ACOT7: variants seen among roughly 807,000 people sequenced by gnomAD.
ACOT7 encodes the protein acyl-CoA thioesterase 7.
In ACOT7, 12 loss-of-function variants were observed where a neutral mutation model predicts 40.2. The ratio of observed to expected loss-of-function variants is 0.30; its 90% CI spans 0.19 to 0.48. ACOT7 has a LOEUF of 0.48. Among genes scored for constraint, ACOT7 ranks in the 20% least tolerant of loss-of-function variants. ACOT7 has a pLI of 0.99. For missense variants in ACOT7, 395 were observed against 530.8 expected, an observed-to-expected ratio of 0.74 and a Z score of 2.51; for synonymous variants, 228 against 219.5, an observed-to-expected ratio of 1.04 and a Z score of -0.34.
rs867155204 is a variant in ACOT7 at position 6,299,160 on chromosome 1, C to G, written c.713-4180G>C. Among the ~76,000 whole-genome samples the G allele has an allele frequency of 3.3e-5, 5 of 152,222 alleles. No individual in the cohort carries two copies. The East Asian group carries it at 9.6e-4, about 29-fold the overall frequency. ...GGCAGGCAGGTTGCCCTCCCTGAGC[C>G]GTGGGCTCAGTGTCTGTCAGGCAGA... On this transcript the variant is annotated intron_variant, in intron 6 of 8. Coordinates refer to ENST00000361521, the MANE Select transcript of ACOT7 (RefSeq NM_007274.4). The surrounding 1 kb of genome is among the most constrained non-coding windows in gnomAD (Gnocchi z 4.1).
rs910715172 is a variant in ACOT7 at position 6,289,864 on chromosome 1, G to C, written c.829+5000C>G. ...TTTCTAATAAAATATGCTGAAATGG[G>C]CACATCAGAAAACCCCCTTCCACCT... On this transcript the variant is annotated intron_variant, in intron 7 of 8. Transcript: ENST00000361521. This position sits in a 1 kb window ranked among gnomAD's most constrained non-coding sequence, Gnocchi z 4.6. 1.3e-5 allele frequency among the ~76,000 whole-genome samples: 2 copies of C among 152,166 alleles called. No homozygotes were observed. The highest frequency in any genetic ancestry group is 4.8e-5 in the African/African-American group (2 of 41,426).
intron 4 of ACOT7, among the ~76,000 whole-genome samples, chr1:6,333,172 C>T (rs1167428515): frequency 3.3e-5 from 5 of 152,242 alleles, no homozygotes; most frequent in African/African-American, 7.2e-5. Flanking sequence ...TTTATGTCCA[C>T]GGGTTCTGGG....
chr1:6,285,040 G>A (rs957261282), intron 7 of ACOT7, among the ~76,000 whole-genome samples: 3 of 152,212 alleles, frequency 2.0e-5, no homozygotes, highest in Non-Finnish European at 2.9e-5. Context: ...TGGCACACTT[G>A]TTGGCTTGTC....
intron 1 of ACOT7, among the ~76,000 whole-genome samples, chr1:6,381,165 T>C (rs760285377): frequency 6.6e-6 from 1 of 151,902 alleles, no homozygotes; most frequent in African/African-American, 2.4e-5. Flanking sequence ...CCAAAAGCTA[T>C]AGTCTTCAGT....
At chr1:6,342,000 T>G (rs920058491) in intron 2 of ACOT7, among the ~76,000 whole-genome samples, 134 of 152,312 alleles carry the variant, frequency 8.8e-4, no homozygotes, top group Non-Finnish European at 1.6e-3. Flanking sequence ...TCATCTACCC[T>G]GGGGATCATC....
chr1:6,373,201 C>T (rs1459567508), intron 1 of ACOT7, among the ~76,000 whole-genome samples: 1 of 151,902 alleles, frequency 6.6e-6, no homozygotes, highest in African/African-American at 2.4e-5. Flanking sequence ...TACATGAGCA[C>T]AGGCTGGCCG....
At chr1:6,313,715 C>T (rs4908878) in intron 6 of ACOT7, among the ~76,000 whole-genome samples, 10,475 of 152,202 alleles carry the variant, frequency 0.069, 394 homozygotes, top group Non-Finnish European at 0.088. Flanking sequence ...GAGGGCACTC[C>T]CAGGCTGGCG....
Position 6,281,263 on chromosome 1 carries a change from G to C in ACOT7, c.853C>G (p.Arg285Gly). 6.2e-7 allele frequency: 1 copy of C among 1,613,478 alleles called. No homozygotes were observed. Among genetic ancestry groups the C allele is most frequent in the Non-Finnish European group, 8.5e-7 (1 of 1,179,952 alleles). ...GACTTATTGCTCGTGAAGGTCATGC[G>C]TCCCGAGATGGTGATGACGCAGCCT... ...RKGCVITISG[R>G]MTFTSNKSME... The change falls in exon 8 of 9, where the codon CGC (arginine) becomes GGC (glycine). Residue 285 changes from arginine (R) to glycine (G), a missense_variant. Physicochemically the swap from Arg to Gly is moderately radical, Grantham distance 125 (BLOSUM62 -2). Around this residue, in one of 2 missense-constraint regions of ACOT7, gnomAD observed 309 missense variants for 470.3 expected, o/e 0.66. Transcript: ENST00000361521.
In ACOT7 at chr1:6,278,163, A is replaced by G. The variant is rs1225525758; in HGVS notation, c.1014+2939T>C. Among the ~76,000 whole-genome samples the G allele has an allele frequency of 1.3e-5, 2 of 151,896 alleles. No homozygotes were observed. Among genetic ancestry groups the G allele is most frequent in the African/African-American group, 4.8e-5 (2 of 41,326 alleles). On this transcript the variant is annotated intron_variant, in intron 8 of 8. Coordinates refer to ENST00000361521, the MANE Select transcript of ACOT7 (RefSeq NM_007274.4). The surrounding 1 kb of genome is among the most constrained non-coding windows in gnomAD (Gnocchi z 4.1). ...TTGTGGGTGCCCTTCTAAGGAAAAAACGTCTGAGAAGTGCTGTAGCTCCAG... is the reference window on the plus strand; with the variant it reads ...TTGTGGGTGCCCTTCTAAGGAAAAAGCGTCTGAGAAGTGCTGTAGCTCCAG...
intron 1 of ACOT7, among the ~76,000 whole-genome samples, chr1:6,385,178 G>A (rs549885380): frequency 6.6e-6 from 1 of 151,978 alleles, no homozygotes; most frequent in South Asian, 2.1e-4. Flanking sequence ...TGCCAGCTGT[G>A]AGCCAGCACA....
At chr1:6,276,937 T>C (rs1200178349) in intron 8 of ACOT7, among the ~76,000 whole-genome samples, 1 of 152,038 alleles carries the variant, frequency 6.6e-6, no homozygotes, top group Non-Finnish European at 1.5e-5. Context: ...CGCCCTTCCC[T>C]GCCCCTCTGC....
chr1:6,343,832 G>A (rs560141845), intron 2 of ACOT7, among the ~76,000 whole-genome samples: 4 of 152,354 alleles, frequency 2.6e-5, no homozygotes, highest in African/African-American at 9.6e-5. Flanking sequence ...ATGCTTTTCC[G>A]GGGCAGAGGC....
intron 2 of ACOT7, among the ~76,000 whole-genome samples, chr1:6,340,128 G>A (rs1331967624): frequency 6.6e-6 from 1 of 152,010 alleles, no homozygotes; most frequent in African/African-American, 2.4e-5. Context: ...ACCATGCCCG[G>A]CTAATTTTTT....
At position 6,304,438 on chromosome 1, in the gene ACOT7, G is replaced by T. The variant is rs556189983; in HGVS notation, c.713-9458C>A. On this transcript the variant is annotated intron_variant, in intron 6 of 8. Coordinates refer to ENST00000361521, the MANE Select transcript of ACOT7 (RefSeq NM_007274.4). ...AATTGATAATTCTTGGGTGTTTCTC[G>T]CAGAGGGGGATTTGGCAGGGTCACA... is the stretch of plus-strand genomic sequence containing the variant. Among the ~76,000 whole-genome samples, 4 of 130,112 alleles carry T rather than the reference G, an allele frequency of 3.1e-5. No homozygotes were observed. The East Asian group carries it at 8.6e-4, about 28-fold the overall frequency. 85.4% of individuals were successfully genotyped at this position (130,112 alleles called of 152,430 possible).
At chr1:6,324,331 T>A (rs778908535) in intron 5 of ACOT7, among the ~76,000 whole-genome samples, 17 of 152,272 alleles carry the variant, frequency 1.1e-4, no homozygotes, top group Non-Finnish European at 2.4e-4. Flanking sequence ...GATACATTTT[T>A]ATAAAACAAA....
chr1:6,350,938 A>G lies in ACOT7; in HGVS notation c.144-1072T>C, dbSNP rs530551292. Among the ~76,000 whole-genome samples, 306 of 152,330 alleles carry G rather than the reference A, an allele frequency of 2.0e-3. 1 individual carries two copies. Among genetic ancestry groups the G allele is most frequent in the Non-Finnish European group, 3.2e-3 (221 of 68,038 alleles). On this transcript the variant is annotated intron_variant, in intron 1 of 8. Transcript: ENST00000361521. The stretch of plus-strand genomic sequence containing the variant: ...TCTGTACAATGGGTAGAATGACAAC[A>G]CTGCCTCGCCTAACTGGGAGATCAC...
In ACOT7 at chr1:6,330,495, C is replaced by T. The variant is rs764801541; in HGVS notation, c.510+2982G>A. On this transcript the variant is annotated intron_variant, in intron 4 of 8. Coordinates refer to ENST00000361521, the MANE Select transcript of ACOT7 (RefSeq NM_007274.4). The surrounding 1 kb of genome is among the most constrained non-coding windows in gnomAD (Gnocchi z 4.6). The stretch of plus-strand genomic sequence containing the variant: ...CGTGCAGCCTCTCCCATCTGCGGCT[C>T]CGGCTGCCTCGGAGCCATGGAATGG... 2.3e-4 allele frequency among the ~76,000 whole-genome samples: 35 copies of T among 152,326 alleles called. No homozygotes were observed. The highest frequency in any genetic ancestry group is 3.7e-4 in the Non-Finnish European group (25 of 68,026).
intron 6 of ACOT7, among the ~76,000 whole-genome samples, chr1:6,308,513 C>T (rs1640234521): frequency 6.6e-6 from 1 of 151,306 alleles, no homozygotes; most frequent in Non-Finnish European, 1.5e-5. Flanking sequence ...GGAACTACAA[C>T]CGGGCAGAGG....
intron 6 of ACOT7, 164 bp from the exon 7 acceptor site, chr1:6,295,144 G>T (rs1170413075): frequency 3.6e-6 from 2 of 556,016 alleles, no homozygotes; most frequent in African/African-American, 1.9e-5. Context: ...TGTGGCTCAC[G>T]CGCTACATGG....
Sources: allele counts gnomAD v4.1 joint callset (sites outside exome capture counted in the v4.1 genomes callset), GRCh38; gene constraint gnomAD v4.1.1; regional missense constraint gnomAD v4.1.1; non-coding constraint Gnocchi (gnomAD v3.1); transcripts MANE v1.5; gene names NCBI Gene and HGNC (gene_info 2026-07-23, HGNC 2026-07-21).